ANO6: variants seen among roughly 807,000 people sequenced by gnomAD.
ANO6 encodes the protein anoctamin 6, also known as anoctamin-6.
ANO6 carries 106 observed loss-of-function variants against 117.5 expected under a neutral mutation model. The ratio of observed to expected loss-of-function variants is 0.90; its 90% confidence interval spans 0.77 to 1.06. ANO6 has a LOEUF of 1.06. Among genes scored for constraint, ANO6 ranks in the 50% least tolerant of loss-of-function variants. The probability of loss-of-function intolerance (pLI) is 0.00; values close to 1 mark genes in which losing one functional copy is unlikely to be tolerated. For missense variants in ANO6, 955 were observed against 1,121.1 expected (o/e 0.85, Z 2.12); for synonymous variants, 367 against 385.1 (o/e 0.95, Z 0.55).
Position 45,369,663 on chromosome 12 carries a change from C to A in ANO6, c.1104+1870C>A, listed in dbSNP as rs1342697713. On this transcript the variant is annotated intron_variant, in intron 9 of 19. Coordinates refer to ENST00000320560, the MANE Select transcript of ANO6 (RefSeq NM_001025356.3). ...GAAAAAGAAAAAGCACTTTTTCTGG[C>A]TTTTCTGTTTGTGAATTATTTTTTC... Among the ~76,000 whole-genome samples the A allele has an allele frequency of 3.9e-5, 6 of 151,900 alleles. No individual in the cohort carries two copies. The East Asian group carries it at 1.2e-3, about 29-fold the overall frequency.
At chr12:45,421,952 T>C (rs957758495) in intron 18 of ANO6, among the ~76,000 whole-genome samples, 2 of 152,146 alleles carry the variant, frequency 1.3e-5, no homozygotes, top group Non-Finnish European at 2.9e-5. Flanking sequence ...GGCTTTAAAG[T>C]TTATTTAGTC....
chr12:45,399,304 T>G (rs1261951713), intron 12 of ANO6, among the ~76,000 whole-genome samples: 1 of 152,178 alleles, frequency 6.6e-6, no homozygotes, highest in Non-Finnish European at 1.5e-5. Context: ...CAAGTGATTC[T>G]CCTGTCTCAG....
At chr12:45,240,584 C>T (rs941732049) in intron 1 of ANO6, among the ~76,000 whole-genome samples, 3 of 151,710 alleles carry the variant, frequency 2.0e-5, no homozygotes, top group African/African-American at 7.3e-5. Context: ...TAAATTTGAT[C>T]CCGTCATTAT....
intron 1 of ANO6, among the ~76,000 whole-genome samples, chr12:45,231,509 T>A (rs1474364420): frequency 6.6e-6 from 1 of 152,200 alleles, no homozygotes; most frequent in African/African-American, 2.4e-5. Context: ...GCTGTTTTTA[T>A]CCCCAAATGA....
chr12:45,391,798 G>T (rs1274549955), intron 12 of ANO6, among the ~76,000 whole-genome samples: 4 of 152,180 alleles, frequency 2.6e-5, no homozygotes, highest in African/African-American at 4.8e-5. Flanking sequence ...GGTGGAGGTT[G>T]CAGGGAGCCG....
At chr12:45,438,431 A>G (rs1414297628) in intron 19 of ANO6, among the ~76,000 whole-genome samples, 1 of 152,190 alleles carries the variant, frequency 6.6e-6, no homozygotes, top group Non-Finnish European at 1.5e-5. Flanking sequence ...CTCCAAAATC[A>G]GAAACTTTTT....
rs552920339 is a variant in ANO6 at position 45,318,499 on chromosome 12, C to T, written c.151-12796C>T. On this transcript the variant is annotated intron_variant, in intron 2 of 19. Transcript: ENST00000320560. ...TTGGTCGATATCTCTGTTTTGGTAC[C>T]AGTACCATGCCGTTTTGATTACTGT... 3.3e-5 allele frequency among the ~76,000 whole-genome samples: 5 copies of T among 152,254 alleles called. No individual in the cohort carries two copies. The East Asian group carries it at 9.7e-4, about 29-fold the overall frequency.
At chr12:45,331,522 A>G in intron 3 of ANO6, 99 bp downstream of exon 3, 2 of 1,114,554 alleles carry the variant, frequency 1.8e-6, no homozygotes, top group Non-Finnish European at 2.6e-6. Flanking sequence ...TGATGTTGAA[A>G]TATCATACAC....
chr12:45,322,738 A>G (rs543899695), intron 2 of ANO6, among the ~76,000 whole-genome samples: 31 of 152,276 alleles, frequency 2.0e-4, no homozygotes, highest in African/African-American at 6.3e-4. Flanking sequence ...GGTAGAGGCA[A>G]TATGAGAACT....
chr12:45,418,054 A>G (rs1943258864), intron 17 of ANO6, among the ~76,000 whole-genome samples: 1 of 152,202 alleles, frequency 6.6e-6, no homozygotes, highest in South Asian at 2.1e-4. Context: ...TTAATGCATG[A>G]AGCCTCGTTT....
Position 45,390,554 on chromosome 12 carries a change from G to T in ANO6, c.1386+56G>T, listed in dbSNP as rs989399696. ...TTAAAAATGTTTTTATTATGTAACA[G>T]ATTTTTTTAATATCTAATTTTAAAT... is the stretch of plus-strand genomic sequence containing the variant. On this transcript the variant is annotated intron_variant, in intron 12 of 19. Coordinates refer to ENST00000320560, the MANE Select transcript of ANO6 (RefSeq NM_001025356.3). 7.5e-6 allele frequency: 11 copies of T among 1,458,434 alleles called. 1 individual carries two copies. The South Asian group carries it at 8.0e-5, about 11-fold the overall frequency. 90.3% of individuals were successfully genotyped at this position (1,458,434 alleles called of 1,614,324 possible). A position where few individuals can be genotyped will look rare whatever the true frequency, so the allele number is the denominator to read the frequency against.
At chr12:45,399,331 G>T (rs1238627700) in intron 12 of ANO6, among the ~76,000 whole-genome samples, 1 of 152,112 alleles carries the variant, frequency 6.6e-6, no homozygotes, top group Non-Finnish European at 1.5e-5. Flanking sequence ...CAGTAGCTGG[G>T]ATTACAGGCA....
intron 2 of ANO6, among the ~76,000 whole-genome samples, chr12:45,325,378 A>G (rs1940426181): frequency 6.6e-6 from 1 of 152,222 alleles, no homozygotes; most frequent in Non-Finnish European, 1.5e-5. Context: ...ATGGCTGGAT[A>G]TTAAGTCCAT....
chr12:45,428,165 A>C (rs1250314161), intron 19 of ANO6, among the ~76,000 whole-genome samples: 1 of 152,252 alleles, frequency 6.6e-6, no homozygotes, highest in Non-Finnish European at 1.5e-5. Context: ...TAATGTTCAC[A>C]ACAGCATTTT....
intron 19 of ANO6, among the ~76,000 whole-genome samples, chr12:45,424,850 G>A (rs978256866): frequency 1.3e-5 from 2 of 152,008 alleles, no homozygotes; most frequent in Non-Finnish European, 2.9e-5. Context: ...AAAGAAGTGT[G>A]TATCTTCTCT....
chr12:45,276,417 C>T (rs1403109241), intron 1 of ANO6, among the ~76,000 whole-genome samples: 2 of 152,196 alleles, frequency 1.3e-5, no homozygotes, highest in African/African-American at 2.4e-5. Context: ...CCTGCAGTCA[C>T]ACCGATCTTT....
At chr12:45,369,488 T>G (rs1318377366) in intron 9 of ANO6, among the ~76,000 whole-genome samples, 2 of 150,694 alleles carry the variant, frequency 1.3e-5, no homozygotes, top group Non-Finnish European at 2.9e-5. Flanking sequence ...TACCCCTGTG[T>G]GCATTTTTTT....
At chr12:45,322,194 G>A (rs1052806089) in intron 2 of ANO6, among the ~76,000 whole-genome samples, 6 of 152,202 alleles carry the variant, frequency 3.9e-5, no homozygotes, top group East Asian at 1.9e-4. Context: ...AGGGTGATAC[G>A]AGAAGAGAGA....
At chr12:45,381,601 C>G (rs569327445) in intron 10 of ANO6, among the ~76,000 whole-genome samples, 2 of 152,268 alleles carry the variant, frequency 1.3e-5, no homozygotes, top group South Asian at 4.1e-4. Context: ...GAATCTGTGG[C>G]TGAGTGAAAT....
Sources: allele counts gnomAD v4.1 joint callset (sites outside exome capture counted in the v4.1 genomes callset), GRCh38; gene constraint gnomAD v4.1.1; transcripts MANE v1.5; gene names NCBI Gene and HGNC (gene_info 2026-07-23, HGNC 2026-07-21).